C19orf47: variants seen among roughly 807,000 people sequenced by gnomAD.
C19orf47 encodes the protein chromosome 19 open reading frame 47.
Under a neutral mutation model 32.3 loss-of-function variants are expected in C19orf47, and 18 were observed. The ratio of observed to expected loss-of-function variants is 0.56; its 90% CI spans 0.39 to 0.83. C19orf47 has a LOEUF of 0.83. Ranked by LOEUF, C19orf47 falls within the 40% of genes least tolerant of loss-of-function variation. The probability of loss-of-function intolerance (pLI) is 0.00; values close to 1 mark genes in which losing one functional copy is unlikely to be tolerated. For synonymous variants in C19orf47, 202 were observed against 211.1 expected (o/e 0.96, Z 0.37); for missense variants, 484 against 531.6 (o/e 0.91, Z 0.88).
chr19:40,336,671 G>A (rs1457541309), intron 2 of C19orf47, among the ~76,000 whole-genome samples: 3 of 152,128 alleles, frequency 2.0e-5, no homozygotes, highest in African/African-American at 7.2e-5. Context: ...TAAACAAGGG[G>A]CAGAGCTCCC....
At chr19:40,301,258 T>C in the C19orf47 span, among the ~76,000 whole-genome samples, 3 of 152,174 alleles carry the variant, frequency 2.0e-5, no homozygotes, top group Middle Eastern at 3.4e-3. Flanking sequence ...TACAGTATTA[T>C]AGTGCCATAG....
chr19:40,324,338 G>A (rs1004989803), intron 7 of C19orf47: 24 of 531,760 alleles, frequency 4.5e-5, no homozygotes, highest in South Asian at 2.5e-4. Flanking sequence ...CTGTGTGCAC[G>A]GGAAGAGTTC....
At chr19:40,293,938 G>A in the C19orf47 span, among the ~76,000 whole-genome samples, 2 of 151,866 alleles carry the variant, frequency 1.3e-5, no homozygotes, top group African/African-American at 4.8e-5. Context: ...TGATTAACAT[G>A]GTAAAACCCC....
chr19:40,317,680 T>G (rs4803325), downstream of C19orf47, among the ~76,000 whole-genome samples: 55,464 of 151,168 alleles, frequency 0.37, 12,480 homozygotes, highest in South Asian at 0.61. Flanking sequence ...GGTGCGGACA[T>G]CTACACATGG....
chr19:40,321,168 C>A lies in C19orf47; in HGVS notation c.*714G>T. ...ACCACCCGCCATACACTTTCAGAGA[C>A]AGATGCCCAGGGCAGGAAAACGGAT... On this transcript the variant is annotated 3_prime_UTR_variant, in exon 9 of 9. Transcript: ENST00000683109. 1.1e-6 allele frequency: 1 copy of A among 923,766 alleles called. No individual in the cohort carries two copies. The highest frequency in any genetic ancestry group is 1.3e-6 in the Non-Finnish European group (1 of 772,398). 57.2% of individuals were successfully genotyped at this position (923,766 alleles called of 1,614,324 possible).
At chr19:40,304,068 G>C in the C19orf47 span, among the ~76,000 whole-genome samples, 1 of 152,100 alleles carries the variant, frequency 6.6e-6, no homozygotes, top group Non-Finnish European at 1.5e-5. Flanking sequence ...TGTGATGGCA[G>C]CCCACCTGCC....
intron 2 of C19orf47, among the ~76,000 whole-genome samples, chr19:40,338,747 G>A (rs1273150868): frequency 6.6e-6 from 1 of 151,860 alleles, no homozygotes; most frequent in Admixed American, 6.6e-5. Flanking sequence ...CAAACTCCTG[G>A]ACTCAAGCGA....
At chr19:40,302,596 T>C in the C19orf47 span, among the ~76,000 whole-genome samples, 1 of 152,174 alleles carries the variant, frequency 6.6e-6, no homozygotes, top group East Asian at 1.9e-4. Flanking sequence ...TGGCAACAAA[T>C]TGATCTCATT....
the C19orf47 span, among the ~76,000 whole-genome samples, chr19:40,308,620 C>T: frequency 6.6e-6 from 1 of 152,012 alleles, no homozygotes; most frequent in Non-Finnish European, 1.5e-5. Flanking sequence ...TATGCCACTA[C>T]ACCTGACAAA....
intron 3 of C19orf47, 22 bp from the exon 4 acceptor site, chr19:40,336,246 G>A (rs913722114): frequency 6.2e-7 from 1 of 1,613,880 alleles, no homozygotes; most frequent in African/African-American, 1.3e-5. Context: ...GGTCAGTGGT[G>A]AGGCCCCAGG....
intron 2 of C19orf47, among the ~76,000 whole-genome samples, chr19:40,338,290 C>CACAA (rs933172431): frequency 5.9e-5 from 8 of 135,662 alleles, no homozygotes; most frequent in Non-Finnish European, 1.2e-4. Flanking sequence ...CACACACACA[C>CACAA]AAATATATAT....
At chr19:40,345,843 AG>A (rs2078265935) in intron 1 of C19orf47, among the ~76,000 whole-genome samples, 1 of 95,124 alleles carries the variant, frequency 1.1e-5, no homozygotes, top group Non-Finnish European at 2.0e-5. Flanking sequence ...AGCAAGACTC[AG>A]TCTCAAAAAA....
intron 5 of C19orf47, 62 bp downstream of exon 5, chr19:40,333,789 T>C: frequency 7.4e-7 from 1 of 1,342,566 alleles, no homozygotes; most frequent in Non-Finnish European, 1.0e-6. Flanking sequence ...TGGCCAGACG[T>C]GTCCCCTTCA....
intron 1 of C19orf47, among the ~76,000 whole-genome samples, chr19:40,347,915 T>C (rs150522397): frequency 6.6e-6 from 1 of 152,248 alleles, no homozygotes; most frequent in Non-Finnish European, 1.5e-5. Context: ...GCTCTCATTG[T>C]ACAGATGAGA....
the C19orf47 span, among the ~76,000 whole-genome samples, chr19:40,314,269 A>C: frequency 6.6e-6 from 1 of 152,174 alleles, no homozygotes; most frequent in African/African-American, 2.4e-5. Context: ...CTCTATTAAA[A>C]ATACAAAAAT....
chr19:40,310,740 T>C, the C19orf47 span, among the ~76,000 whole-genome samples: 2 of 152,014 alleles, frequency 1.3e-5, no homozygotes, highest in African/African-American at 4.8e-5. Context: ...ACCATCTGAG[T>C]AAGAAAATAT....
chr19:40,298,301 CAAAAAAA>C, the C19orf47 span, among the ~76,000 whole-genome samples: 6 of 71,066 alleles, frequency 8.4e-5, no homozygotes, highest in Admixed American at 1.6e-4. Context: ...AACATTGTCT[CAAAAAAA>C]AAAAAAAAAA....
intron 1 of C19orf47, among the ~76,000 whole-genome samples, chr19:40,347,732 G>C (rs1159393171): frequency 6.6e-6 from 1 of 152,122 alleles, no homozygotes; most frequent in Non-Finnish European, 1.5e-5. Flanking sequence ...CTGTCTCTGA[G>C]CTTTCTCCCC....
intron 1 of C19orf47, among the ~76,000 whole-genome samples, chr19:40,345,771 C>CG (rs34412648): frequency 1.6e-4 from 21 of 131,392 alleles, no homozygotes; most frequent in African/African-American, 4.7e-4. Flanking sequence ...CAACCCGGGG[C>CG]GGGGGGGGGA....
Sources: allele counts gnomAD v4.1 joint callset (sites outside exome capture counted in the v4.1 genomes callset), GRCh38; gene constraint gnomAD v4.1.1; transcripts MANE v1.5; gene names NCBI Gene and HGNC (gene_info 2026-07-23, HGNC 2026-07-21).